PSAT1: variants seen among roughly 807,000 people sequenced by gnomAD.
PSAT1 encodes the protein phosphoserine aminotransferase 1.
PSAT1 carries 41 observed loss-of-function variants against 40.3 expected under a neutral mutation model. That is an observed-to-expected ratio of 1.02 (90% CI 0.79 to 1.32). PSAT1 has a LOEUF of 1.32. Ranked by LOEUF, PSAT1 falls within the 40% of genes most tolerant of loss-of-function variation. PSAT1 has a pLI of 0.00. For synonymous variants in PSAT1, 147 were observed against 170.5 expected, an observed-to-expected ratio of 0.86 and a Z score of 1.07; for missense variants, 406 against 455.8, an observed-to-expected ratio of 0.89 and a Z score of 0.99.
intron 1 of PSAT1, among the ~76,000 whole-genome samples, chr9:78,300,301 A>G (rs1202696976): frequency 1.3e-5 from 2 of 152,184 alleles, no homozygotes; most frequent in African/African-American, 2.4e-5. Context: ...CTTTAGCTTT[A>G]GGAGAGTGGT....
intron 4 of PSAT1, among the ~76,000 whole-genome samples, chr9:78,306,095 A>C (rs1476498647): frequency 6.6e-6 from 1 of 152,174 alleles, no homozygotes; most frequent in Non-Finnish European, 1.5e-5. Context: ...ATTTGTTCCC[A>C]GTAAAAGTCG....
At chr9:78,326,465 A>G (rs1408423239) in intron 7 of PSAT1, among the ~76,000 whole-genome samples, 2 of 152,162 alleles carry the variant, frequency 1.3e-5, no homozygotes, top group Admixed American at 6.5e-5. Flanking sequence ...TTCACTCATA[A>G]TCATTTTTGA....
intron 3 of PSAT1, among the ~76,000 whole-genome samples, chr9:78,302,666 G>A (rs987988483): frequency 5.3e-5 from 8 of 150,240 alleles, no homozygotes; most frequent in Non-Finnish European, 1.2e-4. Context: ...CCAGGGAGGC[G>A]GAGTTTGCAG....
intron 6 of PSAT1, among the ~76,000 whole-genome samples, chr9:78,313,747 T>G (rs1285258578): frequency 6.6e-6 from 1 of 152,132 alleles, no homozygotes; most frequent in Non-Finnish European, 1.5e-5. Flanking sequence ...TAGGCTCAAG[T>G]GATCCTCCCA....
intron 6 of PSAT1, among the ~76,000 whole-genome samples, chr9:78,315,680 C>A (rs1477468352): frequency 6.6e-6 from 1 of 152,188 alleles, no homozygotes; most frequent in Non-Finnish European, 1.5e-5. Flanking sequence ...TGCTCCCTGC[C>A]TAAGGCCCCT....
At chr9:78,307,782 C>T (rs1381866998) in intron 5 of PSAT1, among the ~76,000 whole-genome samples, 4 of 152,140 alleles carry the variant, frequency 2.6e-5, no homozygotes, top group Admixed American at 2.6e-4. Flanking sequence ...TGGCTCAGGC[C>T]TGTAATCCCA....
chr9:78,302,967 T>C (rs953604403), intron 3 of PSAT1, among the ~76,000 whole-genome samples: 3 of 152,182 alleles, frequency 2.0e-5, no homozygotes, highest in African/African-American at 7.2e-5. Flanking sequence ...GATTTTTATA[T>C]ATTATATAAA....
chr9:78,326,955 A>ATATTTTTTTTTTTTTTTTTT, intron 7 of PSAT1, among the ~76,000 whole-genome samples: 1 of 75,934 alleles, frequency 1.3e-5, no homozygotes, highest in African/African-American at 9.5e-5. Flanking sequence ...ATATATATAT[A>ATATTTTTTTTTTTTTTTTTT]TTTTTTTTTT....
chr9:78,309,055 T>G (rs1828228064), intron 6 of PSAT1, among the ~76,000 whole-genome samples: 1 of 152,234 alleles, frequency 6.6e-6, no homozygotes, highest in Non-Finnish European at 1.5e-5. Context: ...AGATATCCTA[T>G]CAGATTCTCT....
chr9:78,316,201 C>T (rs1020529070), intron 6 of PSAT1, among the ~76,000 whole-genome samples: 1 of 152,176 alleles, frequency 6.6e-6, no homozygotes, highest in Admixed American at 6.5e-5. Context: ...GTGTGGCCCA[C>T]CTGCCACGTG....
At position 78,329,327 on chromosome 9, in the gene PSAT1, C is replaced by A. The variant is rs1057515673; in HGVS notation, c.*241C>A. 1.4e-4 allele frequency: 70 copies of A among 508,160 alleles called. No individual in the cohort carries two copies. Among genetic ancestry groups the A allele is most frequent in the Non-Finnish European group, 2.0e-4 (57 of 281,376 alleles). The allele number at this position is 508,160 out of a possible 1,614,324, so 31.5% of individuals were successfully genotyped here. On this transcript the variant is annotated 3_prime_UTR_variant, in exon 9 of 9. Coordinates refer to ENST00000376588, the MANE Select transcript of PSAT1 (RefSeq NM_058179.4). ...TTAAGAAATCTTGTTGCTTTTCTAACAAATTCCCGCGTATTTTGCCTTTGC... is the reference window on the plus strand; with the variant it reads ...TTAAGAAATCTTGTTGCTTTTCTAAAAAATTCCCGCGTATTTTGCCTTTGC...
chr9:78,317,900 T>C, intron 7 of PSAT1, 96 bp downstream of exon 7: 2 of 1,404,144 alleles, frequency 1.4e-6, no homozygotes, highest in Non-Finnish European at 2.0e-6. Context: ...TTCACCTTTC[T>C]CTGAGACATT....
In PSAT1 at chr9:78,297,220, C is replaced by G. The variant is rs770574883; in HGVS notation, c.10C>G (p.Pro4Ala). 36 of 1,602,238 alleles carry G rather than the reference C, an allele frequency of 2.2e-5. 1 individual carries two copies. The East Asian group carries it at 7.6e-4, about 34-fold the overall frequency. The change falls in exon 1 of 9, where the codon CCC becomes GCC. Residue 4 changes from proline to alanine, a missense_variant. Transcript: ENST00000376588. MDAPRQVVNFGPGP... is the reference protein window; with the variant it reads MDAARQVVNFGPGP... ...CCCTGGCCGCCGCACCATGGACGCC[C>G]CCAGGCAGGTGGTCAACTTTGGGCC...
intron 1 of PSAT1, among the ~76,000 whole-genome samples, chr9:78,297,625 G>A (rs1385220572): frequency 6.6e-6 from 1 of 152,184 alleles, no homozygotes; most frequent in Non-Finnish European, 1.5e-5. Flanking sequence ...GGGGCGGGGC[G>A]AAAAAGAAAA....
intron 6 of PSAT1, among the ~76,000 whole-genome samples, chr9:78,309,822 G>T (rs1371883161): frequency 6.6e-6 from 1 of 152,180 alleles, no homozygotes; most frequent in Non-Finnish European, 1.5e-5. Flanking sequence ...AATCTTCATG[G>T]CTCTTAAGAT....
At chr9:78,306,556 A>C in intron 5 of PSAT1, 70 bp downstream of exon 5, 1 of 1,578,956 alleles carries the variant, frequency 6.3e-7, no homozygotes, top group Non-Finnish European at 8.7e-7. Context: ...TAATATATAC[A>C]AGAGCGGGAA....
Position 78,317,751 on chromosome 9 carries a change from C to T in PSAT1, c.816C>T (p.Ser272=). 6.2e-7 allele frequency: 1 copy of T among 1,613,576 alleles called. No homozygotes were observed. Among genetic ancestry groups the T allele is most frequent in the African/African-American group, 1.3e-5 (1 of 75,008 alleles). ...GGAAAMEKLS[S]IKSQTIYEII... ...CCGCGGCCATGGAGAAGCTTAGCTC[C>T]ATCAAATCTCAAACAATTTATGAGA... is the stretch of plus-strand genomic sequence containing the variant. Residue 272 remains serine (S), a synonymous_variant, in exon 7 of 9, where the codon TCC becomes TCT. Transcript: ENST00000376588.
chr9:78,326,949 A>ATTTTTTTTTTTTT, intron 7 of PSAT1, among the ~76,000 whole-genome samples: 1 of 85,534 alleles, frequency 1.2e-5, no homozygotes, highest in African/African-American at 7.9e-5. Flanking sequence ...ATATATATAT[A>ATTTTTTTTTTTTT]TATATATTTT....
At chr9:78,321,355 T>C (rs963392007) in intron 7 of PSAT1, among the ~76,000 whole-genome samples, 2 of 152,192 alleles carry the variant, frequency 1.3e-5, no homozygotes, top group African/African-American at 4.8e-5. Context: ...AGCTGGAGAC[T>C]CCCAGGCTGT....
Sources: allele counts gnomAD v4.1 joint callset (sites outside exome capture counted in the v4.1 genomes callset), GRCh38; gene constraint gnomAD v4.1.1; transcripts MANE v1.5; gene names NCBI Gene and HGNC (gene_info 2026-07-23, HGNC 2026-07-21).